TBC1D8: variants seen among roughly 807,000 people sequenced by gnomAD.
TBC1D8 encodes TBC1 domain family member 8.
A neutral mutation model predicts 118.8 loss-of-function variants in TBC1D8; 65 were observed. That is an observed-to-expected ratio of 0.55 (90% confidence interval 0.45 to 0.67). TBC1D8 has a LOEUF of 0.67. Among genes scored for constraint, TBC1D8 ranks in the 30% least tolerant of loss-of-function variants. TBC1D8 has a pLI of 0.00. For missense variants in TBC1D8, 1,376 were observed against 1,471.2 expected (o/e 0.94, Z 1.06); for synonymous variants, 566 against 595.8 (o/e 0.95, Z 0.73).
chr2:101,105,609 CAT>C (rs56141474), intron 1 of TBC1D8, among the ~76,000 whole-genome samples: 11 of 140,766 alleles, frequency 7.8e-5, no homozygotes, highest in South Asian at 6.7e-4. Context: ...AAAAAAAAAA[CAT>C]ATATATATAT....
At chr2:101,081,607 C>G (rs1162560966) in intron 2 of TBC1D8, among the ~76,000 whole-genome samples, 1 of 152,200 alleles carries the variant, frequency 6.6e-6, no homozygotes, top group South Asian at 2.1e-4. Flanking sequence ...GGACCCCCAC[C>G]CTGGCTGCCT....
chr2:101,138,022 T>C (rs1678932913), intron 1 of TBC1D8, among the ~76,000 whole-genome samples: 1 of 152,142 alleles, frequency 6.6e-6, no homozygotes. Context: ...GAGTTTTCAC[T>C]CATGGCAGAA....
intron 2 of TBC1D8, among the ~76,000 whole-genome samples, chr2:101,086,867 C>G (rs1675664693): frequency 6.6e-6 from 1 of 152,104 alleles, no homozygotes; most frequent in Non-Finnish European, 1.5e-5. Context: ...CTCACTACAA[C>G]CTCCCTCCTG....
chr2:101,073,286 A>ATTTTTTTTTTTTTTTTT (rs1558676266), intron 2 of TBC1D8, among the ~76,000 whole-genome samples: 1 of 142,858 alleles, frequency 7.0e-6, no homozygotes, highest in African/African-American at 2.7e-5. Context: ...ATTTTATTTT[A>ATTTTTTTTTTTTTTTTT]TTTTATTTTA....
chr2:101,147,342 C>T (rs375461322), intron 1 of TBC1D8, among the ~76,000 whole-genome samples: 62 of 152,246 alleles, frequency 4.1e-4, no homozygotes, highest in African/African-American at 1.4e-3. Context: ...AGTAGCGGGA[C>T]GGCAGGATCA....
At chr2:101,076,527 T>A (rs1674833950) in intron 2 of TBC1D8, among the ~76,000 whole-genome samples, 1 of 152,204 alleles carries the variant, frequency 6.6e-6, no homozygotes, top group Non-Finnish European at 1.5e-5. Context: ...ACTTCCAGTT[T>A]CCAGGAAACA....
chr2:101,007,668 G>A lies in TBC1D8; in HGVS notation c.*153C>T, dbSNP rs909329908. ...ATACATAGAAATGCTTGAGGGTTGT[G>A]TCGGTTCCCCTGGCCACAGTTTGTC... On this transcript the variant is annotated 3_prime_UTR_variant, in exon 20 of 20. Transcript: ENST00000409318. 5 of 744,434 alleles carry A rather than the reference G, an allele frequency of 6.7e-6. No homozygotes were observed. The highest frequency in any genetic ancestry group is 1.1e-5 in the Non-Finnish European group (5 of 452,482). The allele number at this position is 744,434 out of a possible 1,614,324, so 46.1% of individuals were successfully genotyped here.
chr2:101,067,287 A>G (rs1683067962), intron 2 of TBC1D8, among the ~76,000 whole-genome samples: 1 of 152,232 alleles, frequency 6.6e-6, no homozygotes, highest in Non-Finnish European at 1.5e-5. Context: ...ATTTTGTTCC[A>G]AATACTGCAT....
rs1216846382 is a variant in TBC1D8, at chr2:101,151,208, G to C, written c.46C>G (p.Leu16Val). ...CAGCTGCTCTTCTGGGTCACCCAGA[G>C]CTTCAGCGCGTTCTTCAGCAGCACC... ...EEVLLKNALKLWVTQKSSCYF... is the reference protein window; with the variant it reads ...EEVLLKNALKVWVTQKSSCYF... Residue 16 changes from leucine (L) to valine (V), a missense_variant, in exon 1 of 20, where the codon CTC (leucine) becomes GTC (valine). Transcript: ENST00000409318. 1.6e-6 allele frequency: 2 copies of C among 1,258,122 alleles called. No homozygotes were observed. Among genetic ancestry groups the C allele is most frequent in the Middle Eastern group, 3.2e-4 (1 of 3,162 alleles). 77.9% of individuals were successfully genotyped at this position (1,258,122 alleles called of 1,614,324 possible).
intron 17 of TBC1D8, chr2:101,018,091 G>C: frequency 1.5e-6 from 1 of 650,084 alleles, no homozygotes; most frequent in Non-Finnish European, 2.6e-6. Context: ...ACTAGATTTT[G>C]AATCCAATCA....
Position 101,027,388 on chromosome 2 carries a change from A to T in TBC1D8, c.2515T>A (p.Phe839Ile). The change falls in exon 15 of 20, where the codon TTC becomes ATC. Residue 839 changes from phenylalanine (F) to isoleucine (I), a missense_variant. Phe to Ile is a conservative substitution (Grantham distance 21). Transcript: ENST00000409318. ...ATCTTCCCAGAGCTGCGTACCTTGA[A>T]TAAGTCGTAGAGCTCCTCTAGGTCT... ...PEDLEELYDLFKREHMMSCYW... is the reference protein window; with the variant it reads ...PEDLEELYDLIKREHMMSCYW... The T allele has an allele frequency of 6.2e-7, 1 of 1,613,036 alleles. No individual in the cohort carries two copies. The highest frequency in any genetic ancestry group is 8.5e-7 in the Non-Finnish European group (1 of 1,179,164).
At chr2:101,069,941 A>G (rs1404805971) in intron 2 of TBC1D8, among the ~76,000 whole-genome samples, 3 of 147,988 alleles carry the variant, frequency 2.0e-5, no homozygotes, top group East Asian at 2.0e-4. Flanking sequence ...TTCACACGGA[A>G]TTTTGCTCTT....
Position 101,063,389 on chromosome 2 carries a change from T to TA in TBC1D8, c.284-3851dup, listed in dbSNP as rs990781981. On this transcript the variant is annotated intron_variant, in intron 2 of 19. Coordinates refer to ENST00000409318, the MANE Select transcript of TBC1D8 (RefSeq NM_001330348.2). ...CTTAAAAGAGAAAATAAACCACACA[T>TA]AAAAAAAACTATCACTGAGCTATAG... 1.8e-4 allele frequency among the ~76,000 whole-genome samples: 28 copies of TA among 151,986 alleles called. No homozygotes were observed. The South Asian group carries it at 5.6e-3, about 30-fold the overall frequency.
intron 1 of TBC1D8, among the ~76,000 whole-genome samples, chr2:101,095,269 A>ATTATTATTATTATTATTATT (rs1676324490): frequency 2.8e-5 from 2 of 72,434 alleles, no homozygotes; most frequent in Non-Finnish European, 6.1e-5. Flanking sequence ...TTATTATTAT[A>ATTATTATTATTATTATTATT]CTTTAAGTTT....
chr2:101,068,524 G>T, intron 2 of TBC1D8: 1 of 484,616 alleles, frequency 2.1e-6, no homozygotes, highest in Non-Finnish European at 3.8e-6. Context: ...GAACCACAGT[G>T]GTGGTATGTA....
chr2:101,085,327 G>GGAACA (rs1287941663), intron 2 of TBC1D8, among the ~76,000 whole-genome samples: 4 of 152,102 alleles, frequency 2.6e-5, no homozygotes, highest in Admixed American at 2.0e-4. Context: ...CATGGATTCA[G>GGAACA]GAACAGAACA....
intron 1 of TBC1D8, among the ~76,000 whole-genome samples, chr2:101,121,202 A>C (rs546492921): frequency 1.4e-4 from 22 of 152,364 alleles, no homozygotes; most frequent in Non-Finnish European, 2.6e-4. Flanking sequence ...TTTGTTGACA[A>C]AAATATAAAG....
At chr2:101,078,862 T>C (rs1310316475) in intron 2 of TBC1D8, among the ~76,000 whole-genome samples, 1 of 151,978 alleles carries the variant, frequency 6.6e-6, no homozygotes, top group Admixed American at 6.6e-5. Context: ...CAGAAGTGGT[T>C]ACTCCCTGAA....
At chr2:101,044,601 T>C (rs534061214) in intron 5 of TBC1D8, among the ~76,000 whole-genome samples, 3 of 152,244 alleles carry the variant, frequency 2.0e-5, no homozygotes, top group East Asian at 3.9e-4. Context: ...CACAAGCCTG[T>C]AGGTCACCGC....
Sources: allele counts gnomAD v4.1 joint callset (sites outside exome capture counted in the v4.1 genomes callset), GRCh38; gene constraint gnomAD v4.1.1; transcripts MANE v1.5; gene names NCBI Gene and HGNC (gene_info 2026-07-23, HGNC 2026-07-21).